The following RANGRF variants were observed in gnomAD, a reference collection of about 807,000 sequenced individuals.
The protein encoded by RANGRF is MOG1 homolog.
Under a neutral mutation model 21.8 loss-of-function variants are expected in RANGRF, and 17 were observed. That is an observed-to-expected ratio of 0.78 (90% CI 0.53 to 1.17). The LOEUF is 1.17. Ranked by LOEUF, RANGRF falls within the 50% of genes most tolerant of loss-of-function variation. The pLI is 0.00. For synonymous variants in RANGRF, 97 were observed against 94.3 expected, an observed-to-expected ratio of 1.03 and a Z score of -0.17; for missense variants, 225 against 235.5, an observed-to-expected ratio of 0.96 and a Z score of 0.29.
rs1038845672 is a variant in RANGRF at position 8,289,974 on chromosome 17, G to A, written c.*38G>A. 6.2e-6 allele frequency: 10 copies of A among 1,613,132 alleles called. No individual in the cohort carries two copies. The highest frequency in any genetic ancestry group is 4.4e-5 in the South Asian group (4 of 91,080). ...ACTGCATGATGTTGCTGAGAACTTG[G>A]GGACTCGGTTCTGTGAGGGGGAAAA... On this transcript the variant is annotated 3_prime_UTR_variant, in exon 5 of 5. Transcript: ENST00000226105.
At chr17:8,289,617 C>T (rs202136880) in intron 4 of RANGRF, 29 bp downstream of exon 4, 7 of 1,608,696 alleles carry the variant, frequency 4.4e-6, no homozygotes, top group East Asian at 2.2e-5. Context: ...GCGGGTATCT[C>T]ATGACTGGGT....
rs568408453 is a variant in RANGRF at position 8,289,362 on chromosome 17, A to G, written c.299A>G (p.Gln100Arg). ...LENLALRGRC[Q>R]EAWVLSGKQQ... is the part of the protein sequence containing the mutation. Reference sequence around the variant, plus strand: ...AACCTGGCCCTGAGGGGCCGCTGTCAAGAAGCCTGGGTCCTCTCTGGCAAG... The same window carrying G: ...AACCTGGCCCTGAGGGGCCGCTGTCGAGAAGCCTGGGTCCTCTCTGGCAAG... The change falls in exon 3 of 5, where the codon CAA becomes CGA. Residue 100 changes from glutamine (Q) to arginine (R), a missense_variant. Physicochemically the swap from Gln to Arg is conservative, Grantham distance 43. Coordinates refer to ENST00000226105, the MANE Select transcript of RANGRF (RefSeq NM_016492.5). 6.2e-7 allele frequency: 1 copy of G among 1,614,140 alleles called. No homozygotes were observed. The highest frequency in any genetic ancestry group is 1.7e-5 in the Admixed American group (1 of 60,020).
In RANGRF at chr17:8,288,956, C is replaced by G. The variant is rs1191810045; in HGVS notation, c.78C>G (p.Ser26Arg). ...CAGGGTCTGCCTCGCCTCACTCCAG[C>G]GACCTCCGACCGGTCCCGGACAATC... ...AILPMGAIDV[S>R]DLRPVPDNQE... is the part of the protein sequence containing the mutation. The change falls in exon 2 of 5, where the codon AGC becomes AGG. Residue 26 changes from serine to arginine, a missense_variant and splice_region_variant. By Grantham distance (110) the Ser-to-Arg change is moderately radical. Transcript: ENST00000226105. 5.6e-6 allele frequency: 9 copies of G among 1,614,000 alleles called. No homozygotes were observed. Among genetic ancestry groups the G allele is most frequent in the Non-Finnish European group, 7.6e-6 (9 of 1,180,014 alleles).
At position 8,288,726 on chromosome 17, in the gene RANGRF, C is replaced by A; in HGVS notation, c.-63C>A. The A allele has an allele frequency of 6.3e-7, 1 of 1,577,836 alleles. No individual in the cohort carries two copies. The highest frequency in any genetic ancestry group is 8.7e-7 in the Non-Finnish European group (1 of 1,147,822). On this transcript the variant is annotated 5_prime_UTR_variant, in exon 1 of 5. Transcript: ENST00000226105. Reference sequence around the variant, plus strand: ...AGCTGCGAAACCCAGGGAGCCGATGCCACGTGACCCAATGTGGACTTCTTT... The same window carrying A: ...AGCTGCGAAACCCAGGGAGCCGATGACACGTGACCCAATGTGGACTTCTTT...
At position 8,289,050 on chromosome 17, in the gene RANGRF, G is replaced by T. The variant is rs147679793; in HGVS notation, c.172G>T (p.Val58Leu). 1.2e-6 allele frequency: 2 copies of T among 1,613,836 alleles called. No individual in the cohort carries two copies. Among genetic ancestry groups the T allele is most frequent in the Non-Finnish European group, 8.5e-7 (1 of 1,179,988 alleles). Reference protein sequence around the residue: ...IVELLELQAHVRGEAAARYHF... With the variant: ...IVELLELQAHLRGEAAARYHF... ...GGAACTTCTCGAGCTGCAGGCCCACGTACGGGGCGAAGCGGCTGCGCGGTG... is the reference window on the plus strand; with the variant it reads ...GGAACTTCTCGAGCTGCAGGCCCACTTACGGGGCGAAGCGGCTGCGCGGTG... Residue 58 changes from valine to leucine, a missense_variant, in exon 2 of 5, where the codon GTA (valine) becomes TTA (leucine). Coordinates refer to ENST00000226105, the MANE Select transcript of RANGRF (RefSeq NM_016492.5).
Position 8,288,998 on chromosome 17 carries a change from T to C in RANGRF, c.120T>C (p.His40=), listed in dbSNP as rs1352759298. The stretch of plus-strand genomic sequence containing the variant: ...CGGACAATCAAGAAGTTTTCTGCCA[T>C]CCCGTGACGGACCAGAGCCTGATAG... ...PVPDNQEVFC[H]PVTDQSLIVE... is the part of the protein sequence containing the mutation. Residue 40 remains histidine, a synonymous_variant, in exon 2 of 5, where the codon CAT becomes CAC. Transcript: ENST00000226105. The C allele has an allele frequency of 6.2e-7, 1 of 1,614,098 alleles. No individual in the cohort carries two copies. The highest frequency in any genetic ancestry group is 8.5e-7 in the Non-Finnish European group (1 of 1,180,026).
rs1307337716 is a variant in RANGRF, at chr17:8,289,171, C to G, written c.195-87C>G. ...TTAATCCGGGCGGTGAGACCACGCA[C>G]GGGCCGGGAGCCAGGCCTGCAACTT... On this transcript the variant is annotated intron_variant, in intron 2 of 4. Transcript: ENST00000226105. The G allele has an allele frequency of 3.1e-6, 5 of 1,600,932 alleles. No homozygotes were observed. The South Asian group carries it at 4.4e-5, about 14-fold the overall frequency.
rs2151607612 is a variant in RANGRF at position 8,288,690 on chromosome 17, G to C, written c.-99G>C. Reference sequence around the variant, plus strand: ...GATCCGGGAGCTAAGCCAGACCCGGGTGGCGGTGGCAGCTGCGAAACCCAG... The same window carrying C: ...GATCCGGGAGCTAAGCCAGACCCGGCTGGCGGTGGCAGCTGCGAAACCCAG... On this transcript the variant is annotated 5_prime_UTR_variant, in exon 1 of 5. Transcript: ENST00000226105. 1 of 1,345,178 alleles carries C rather than the reference G, an allele frequency of 7.4e-7. No individual in the cohort carries two copies. Among genetic ancestry groups the C allele is most frequent in the Non-Finnish European group, 1.1e-6 (1 of 938,136 alleles). The allele number at this position is 1,345,178 out of a possible 1,614,324, so 83.3% of individuals were successfully genotyped here.
chr17:8,289,053 C>G lies in RANGRF; in HGVS notation c.175C>G (p.Arg59Gly), dbSNP rs772883477. ...VELLELQAHV[R>G]GEAAARYHFE... ...ACTTCTCGAGCTGCAGGCCCACGTA[C>G]GGGGCGAAGCGGCTGCGCGGTGAGG... Residue 59 changes from arginine to glycine, a missense_variant, in exon 2 of 5, where the codon CGG becomes GGG. Transcript: ENST00000226105. 8 of 1,613,664 alleles carry G rather than the reference C, an allele frequency of 5.0e-6. No individual in the cohort carries two copies. Among genetic ancestry groups the G allele is most frequent in the Non-Finnish European group, 6.8e-6 (8 of 1,179,978 alleles).
At chr17:8,289,181 GCCAGGCCTGCAACTTAAAGATGCTC>G in intron 2 of RANGRF, 52 bp from the exon 3 acceptor site, 3 of 1,601,530 alleles carry the variant, frequency 1.9e-6, no homozygotes, top group Non-Finnish European at 2.6e-6. Flanking sequence ...CGGGCCGGGA[GCCAGGCCTGCAACTTAAAGATGCTC>G]CCGGGGAGGC....
chr17:8,289,554 C>T lies in RANGRF; in HGVS notation c.403C>T (p.Gln135Ter). The change falls in exon 4 of 5, where the codon CAG becomes TAG. Residue 135 changes from glutamine to a stop codon, truncating the protein, a stop_gained. Coordinates refer to ENST00000226105, the MANE Select transcript of RANGRF (RefSeq NM_016492.5). LOFTEE classifies it high-confidence loss of function. ...HQALLRLPQY[Q>*]TDLLLTFNQP... ...GGCCTTGCTGAGGCTGCCCCAGTAC[C>T]AGACTGATCTCTTGCTTACCTTCAA... The T allele has an allele frequency of 1.2e-6, 2 of 1,613,956 alleles. No homozygotes were observed. The highest frequency in any genetic ancestry group is 1.3e-5 in the African/African-American group (1 of 75,022).
In RANGRF at chr17:8,289,414, GGTGAGGGCCCGAGAGT is replaced by G. The variant is rs1990301131; in HGVS notation, c.351+4_351+19del. On this transcript the variant is annotated splice_donor_variant and splice_donor_5th_base_variant and intron_variant, in intron 3 of 4. Transcript: ENST00000226105. LOFTEE classifies it high-confidence loss of function. ...AGCAGATAGCTAAGGAAAACCAGCA[GGTGAGGGCCCGAGAGT>G]GTGTAATGTCCTGGAAGGGCGGTAG... 4 of 1,614,050 alleles carry G rather than the reference GGTGAGGGCCCGAGAGT, an allele frequency of 2.5e-6. No homozygotes were observed. Among genetic ancestry groups the G allele is most frequent in the Non-Finnish European group, 3.4e-6 (4 of 1,179,956 alleles).
chr17:8,288,672 G>T lies in RANGRF; in HGVS notation c.-117G>T. On this transcript the variant is annotated 5_prime_UTR_variant, in exon 1 of 5. Transcript: ENST00000226105. ...CGGAGCCAAATCTTAAAGGATCCGG[G>T]AGCTAAGCCAGACCCGGGTGGCGGT... is the stretch of plus-strand genomic sequence containing the variant. 1 of 1,175,944 alleles carries T rather than the reference G, an allele frequency of 8.5e-7. No individual in the cohort carries two copies. The highest frequency in any genetic ancestry group is 1.3e-6 in the Non-Finnish European group (1 of 789,130). The allele number at this position is 1,175,944 out of a possible 1,614,324, so 72.8% of individuals were successfully genotyped here.
chr17:8,288,999 C>T lies in RANGRF; in HGVS notation c.121C>T (p.Pro41Ser). The change falls in exon 2 of 5, where the codon CCC becomes TCC. Residue 41 changes from proline to serine, a missense_variant. Transcript: ENST00000226105. ...VPDNQEVFCH[P>S]VTDQSLIVEL... ...GGACAATCAAGAAGTTTTCTGCCAT[C>T]CCGTGACGGACCAGAGCCTGATAGT... 1.9e-6 allele frequency: 3 copies of T among 1,614,146 alleles called. No individual in the cohort carries two copies. The highest frequency in any genetic ancestry group is 2.5e-6 in the Non-Finnish European group (3 of 1,180,040).
In RANGRF at chr17:8,289,949, A is replaced by G; in HGVS notation, c.*13A>G. ...TGGTCCCCAGTAAAGGCGCTGAAGC[A>G]CTGCATGATGTTGCTGAGAACTTGG... On this transcript the variant is annotated 3_prime_UTR_variant, in exon 5 of 5. Coordinates refer to ENST00000226105, the MANE Select transcript of RANGRF (RefSeq NM_016492.5). 1 of 1,614,158 alleles carries G rather than the reference A, an allele frequency of 6.2e-7. No homozygotes were observed. Among genetic ancestry groups the G allele is most frequent in the Non-Finnish European group, 8.5e-7 (1 of 1,180,002 alleles).
rs1313817577 is a variant in RANGRF at position 8,290,064 on chromosome 17, A to G, written c.*128A>G. ...CGTAAACATAAGACAATCCCTCTTC[A>G]GAATAAACTTGCTTTATAATCAATA... On this transcript the variant is annotated 3_prime_UTR_variant, in exon 5 of 5. Transcript: ENST00000226105. The G allele has an allele frequency of 6.4e-7, 1 of 1,559,764 alleles. No individual in the cohort carries two copies. Among genetic ancestry groups the G allele is most frequent in the East Asian group, 2.3e-5 (1 of 44,224 alleles).
At chr17:8,289,787 G>C in intron 4 of RANGRF, 26 bp from the exon 5 acceptor site, 1 of 1,613,582 alleles carries the variant, frequency 6.2e-7, no homozygotes, top group Non-Finnish European at 8.5e-7. Context: ...ATGATGTTCT[G>C]TCTCCATCTG....
At chr17:8,289,158 G>C in intron 2 of RANGRF, 86 bp downstream of exon 2, 1 of 1,600,330 alleles carries the variant, frequency 6.2e-7, no homozygotes, top group Non-Finnish European at 8.6e-7. Context: ...AATCCGGGCG[G>C]TGAGACCACG....
Position 8,288,820 on chromosome 17 carries a change from G to T in RANGRF, c.32G>T (p.Gly11Val). The change falls in exon 1 of 5, where the codon GGG becomes GTG. Residue 11 changes from glycine (G) to valine (V), a missense_variant. Transcript: ENST00000226105. Reference protein sequence around the residue: MEPTRDCPLFGGAFSAILPMG... With the variant: MEPTRDCPLFVGAFSAILPMG... ...CCCACGAGAGACTGCCCGCTGTTCG[G>T]GGGCGCCTTTTCCGCCATCCTCCCC... 6.2e-7 allele frequency: 1 copy of T among 1,614,188 alleles called. No homozygotes were observed. Among genetic ancestry groups the T allele is most frequent in the Non-Finnish European group, 8.5e-7 (1 of 1,180,040 alleles).
Sources: allele counts gnomAD v4.1 joint callset, GRCh38; gene constraint gnomAD v4.1.1; transcripts MANE v1.5; gene names NCBI Gene and HGNC (gene_info 2026-07-23, HGNC 2026-07-21).